ADAM12: variants seen among roughly 807,000 people sequenced by gnomAD.
ADAM12 encodes ADAM metallopeptidase domain 12.
In ADAM12, 70 loss-of-function variants were observed where a neutral mutation model predicts 106.4. That is an observed-to-expected ratio of 0.66 (90% CI 0.54 to 0.80). The LOEUF is 0.80. Ranked by LOEUF, ADAM12 falls within the 30% of genes least tolerant of loss-of-function variation. The pLI, the probability that ADAM12 is intolerant of heterozygous loss-of-function variation, is 0.00. For missense variants in ADAM12, 1,010 were observed against 1,171.9 expected (o/e 0.86, Z 2.02); for synonymous variants, 420 against 433.5 (o/e 0.97, Z 0.39).
At chr10:126,337,256 T>C (rs371174650) in intron 1 of ADAM12, among the ~76,000 whole-genome samples, 1 of 152,258 alleles carries the variant, frequency 6.6e-6, no homozygotes, top group African/African-American at 2.4e-5. Context: ...AAGCCACTGA[T>C]GTAAGTCCCA....
At chr10:126,292,051 G>T (rs1484733695) in intron 2 of ADAM12, among the ~76,000 whole-genome samples, 1 of 151,786 alleles carries the variant, frequency 6.6e-6, no homozygotes. Context: ...TGAAAAACTT[G>T]GTCCTCTATG....
chr10:126,249,883 G>A (rs999724665), intron 3 of ADAM12, among the ~76,000 whole-genome samples: 30 of 152,272 alleles, frequency 2.0e-4, no homozygotes, highest in Middle Eastern at 3.4e-3. Context: ...CATTATTGGA[G>A]CACACACCAT....
intron 3 of ADAM12, among the ~76,000 whole-genome samples, chr10:126,273,906 C>T (rs1959195139): frequency 6.6e-6 from 1 of 152,186 alleles, no homozygotes; most frequent in Admixed American, 6.5e-5. Context: ...GGGCAGATCG[C>T]TGGAGGCCAT....
chr10:126,049,546 G>A lies in ADAM12; in HGVS notation c.1718+15C>T. 6.2e-7 allele frequency: 1 copy of A among 1,613,932 alleles called. No homozygotes were observed. Among genetic ancestry groups the A allele is most frequent in the Non-Finnish European group, 8.5e-7 (1 of 1,179,780 alleles). On this transcript the variant is annotated intron_variant, in intron 15 of 22. Coordinates refer to ENST00000448723, the MANE Select transcript of ADAM12 (RefSeq NM_001288973.2). This position sits in a 1 kb window ranked among gnomAD's most constrained non-coding sequence, Gnocchi z 4.4. ...GTCAGAGCAAAGACTTTGCCAGGATGTCTGGATTCCATACCTCATCTCGCA... is the reference window on the plus strand; with the variant it reads ...GTCAGAGCAAAGACTTTGCCAGGATATCTGGATTCCATACCTCATCTCGCA...
At chr10:126,136,704 C>A (rs1335804580) in intron 4 of ADAM12, among the ~76,000 whole-genome samples, 1 of 152,152 alleles carries the variant, frequency 6.6e-6, no homozygotes. Context: ...AAACCAGACA[C>A]CACCATGGGA....
chr10:126,108,521 G>T, intron 8 of ADAM12, 72 bp downstream of exon 8: 1 of 1,362,764 alleles, frequency 7.3e-7, no homozygotes, highest in Non-Finnish European at 1.0e-6. Context: ...TGCTAAGTCA[G>T]ATGAGGTCCC....
At chr10:126,088,571 A>C (rs1251602713) in intron 11 of ADAM12, among the ~76,000 whole-genome samples, 1 of 151,294 alleles carries the variant, frequency 6.6e-6, no homozygotes, top group Non-Finnish European at 1.5e-5. Flanking sequence ...TTAGCTGGGC[A>C]TGGTGGTGTG....
At chr10:126,297,091 T>G (rs1218728212) in intron 2 of ADAM12, among the ~76,000 whole-genome samples, 1 of 152,182 alleles carries the variant, frequency 6.6e-6, no homozygotes, top group African/African-American at 2.4e-5. Context: ...GAAACAGTTT[T>G]CCTACTCCTT....
intron 6 of ADAM12, among the ~76,000 whole-genome samples, chr10:126,112,164 G>C (rs1173211394): frequency 6.6e-6 from 1 of 152,000 alleles, no homozygotes; most frequent in African/African-American, 2.4e-5. Context: ...CCAAGTGGGA[G>C]TTGAACAATA....
intron 20 of ADAM12, among the ~76,000 whole-genome samples, chr10:126,037,025 CCCTT>C (rs1189785749): frequency 6.6e-6 from 1 of 152,202 alleles, no homozygotes; most frequent in Non-Finnish European, 1.5e-5. Context: ...TCATGCTTCT[CCCTT>C]CCCTCTCCCT....
chr10:126,302,787 G>T (rs146978982), intron 2 of ADAM12, among the ~76,000 whole-genome samples: 6 of 152,136 alleles, frequency 3.9e-5, no homozygotes, highest in Non-Finnish European at 5.9e-5. Context: ...TAGGCTACAC[G>T]TACCATTACC....
intron 1 of ADAM12, among the ~76,000 whole-genome samples, chr10:126,378,261 T>A (rs936940152): frequency 5.3e-5 from 8 of 152,260 alleles, no homozygotes; most frequent in East Asian, 1.9e-4. Context: ...AGTAAAAAAT[T>A]TGTGTACTCT....
At chr10:126,068,176 TAA>T (rs1174503733) in intron 12 of ADAM12, among the ~76,000 whole-genome samples, 1 of 152,234 alleles carries the variant, frequency 6.6e-6, no homozygotes, top group Admixed American at 6.5e-5. Flanking sequence ...CTTACAATTC[TAA>T]AAGAGTTTAG....
intron 5 of ADAM12, among the ~76,000 whole-genome samples, chr10:126,133,879 C>T (rs1956355450): frequency 6.6e-6 from 1 of 152,222 alleles, no homozygotes. Flanking sequence ...AAGGGCTCAC[C>T]TCACCTCCTT....
rs200259902 is a variant in ADAM12 at position 126,365,750 on chromosome 10, A to G, written c.88+22308T>C. 3.0e-4 allele frequency among the ~76,000 whole-genome samples: 46 copies of G among 152,314 alleles called. No individual in the cohort carries two copies. In the East Asian group the frequency reaches 8.3e-3, roughly 27 times the overall value. ...TTACCTCCCACCAGATCCCTCCCAC[A>G]ACACATAGGGATTATGGGAACTACA... On this transcript the variant is annotated intron_variant, in intron 1 of 22. Coordinates refer to ENST00000448723, the MANE Select transcript of ADAM12 (RefSeq NM_001288973.2).
At chr10:126,221,501 T>C (rs1471893552) in intron 3 of ADAM12, among the ~76,000 whole-genome samples, 1 of 152,168 alleles carries the variant, frequency 6.6e-6, no homozygotes, top group Non-Finnish European at 1.5e-5. Flanking sequence ...CTAACAATTA[T>C]TATTCTCAGG....
In ADAM12 at chr10:126,027,409, G is replaced by C. The variant is rs539619421; in HGVS notation, c.2530-7584C>G. 5.9e-4 allele frequency among the ~76,000 whole-genome samples: 84 copies of C among 141,844 alleles called. No individual in the cohort carries two copies. The South Asian group carries it at 9.2e-3, about 16-fold the overall frequency. The allele number at this position is 141,844 out of a possible 152,430, so 93.1% of individuals were successfully genotyped here. Reference sequence around the variant, plus strand: ...ACAGCATCCTGGTACCAACACCTGGGAGAGATAAAAAAAAACCTCAGGCCA... The same window carrying C: ...ACAGCATCCTGGTACCAACACCTGGCAGAGATAAAAAAAAACCTCAGGCCA... On this transcript the variant is annotated intron_variant, in intron 21 of 22. Coordinates refer to ENST00000448723, the MANE Select transcript of ADAM12 (RefSeq NM_001288973.2).
intron 2 of ADAM12, among the ~76,000 whole-genome samples, chr10:126,286,700 C>T (rs1377260464): frequency 2.0e-5 from 3 of 152,176 alleles, no homozygotes; most frequent in African/African-American, 7.2e-5. Flanking sequence ...TGCAGTATAA[C>T]ACAGTCAGGA....
In ADAM12 at chr10:126,193,894, G is replaced by GAAATA. The variant is rs1357187347; in HGVS notation, c.261-38594_261-38590dup. Among the ~76,000 whole-genome samples the GAAATA allele has an allele frequency of 4.9e-3, 606 of 124,446 alleles. 4 individuals carry two copies. Among genetic ancestry groups the GAAATA allele is most frequent in the African/African-American group, 0.026 (578 of 22,590 alleles). 81.6% of individuals were successfully genotyped at this position (124,446 alleles called of 152,430 possible). ...GCAACCGAGTGAGACTCTGTCTCAT[G>GAAATA]AAATAAAATGAAATAAAATAAAATA... On this transcript the variant is annotated intron_variant, in intron 3 of 22. Transcript: ENST00000448723.
Sources: allele counts gnomAD v4.1 joint callset (sites outside exome capture counted in the v4.1 genomes callset), GRCh38; gene constraint gnomAD v4.1.1; non-coding constraint Gnocchi (gnomAD v3.1); transcripts MANE v1.5; gene names NCBI Gene and HGNC (gene_info 2026-07-23, HGNC 2026-07-21).